The following KIF26B variants were observed in gnomAD, a reference collection of about 807,000 sequenced individuals.
KIF26B encodes kinesin-like protein KIF26B.
KIF26B carries 63 observed loss-of-function variants against 151.2 expected under a neutral mutation model. That is an observed-to-expected ratio of 0.42 (90% CI 0.34 to 0.51). The LOEUF is 0.51. KIF26B is among the 20% of genes least tolerant of loss of function. The pLI is 0.07. For synonymous variants in KIF26B, 1,357 were observed against 1,262.1 expected, an observed-to-expected ratio of 1.08 and a Z score of -1.59; for missense variants, 2,813 against 2,913.6, an observed-to-expected ratio of 0.97 and a Z score of 0.79.
chr1:245,460,155 C>G (rs1346146828), intron 4 of KIF26B, among the ~76,000 whole-genome samples: 1 of 152,140 alleles, frequency 6.6e-6, no homozygotes, highest in Non-Finnish European at 1.5e-5. Flanking sequence ...TTAATAGAGA[C>G]AGGGTTTCAC....
At chr1:245,243,434 A>G (rs1033162892) in intron 2 of KIF26B, among the ~76,000 whole-genome samples, 1 of 45,790 alleles carries the variant, frequency 2.2e-5, no homozygotes, top group Non-Finnish European at 5.0e-5. Context: ...ATATATACAT[A>G]CATATATATA....
At chr1:245,620,638 G>A (rs1261904275) in intron 9 of KIF26B, among the ~76,000 whole-genome samples, 1 of 152,084 alleles carries the variant, frequency 6.6e-6, no homozygotes, top group South Asian at 2.1e-4. Flanking sequence ...CTGAGCTCAG[G>A]CGATCCACCT....
At chr1:245,539,836 A>G (rs543267565) in intron 4 of KIF26B, among the ~76,000 whole-genome samples, 1 of 152,080 alleles carries the variant, frequency 6.6e-6, no homozygotes, top group African/African-American at 2.4e-5. Context: ...TATTTTTAGT[A>G]GAGATGGGGT....
At chr1:245,380,023 T>C (rs1210865147) in intron 3 of KIF26B, among the ~76,000 whole-genome samples, 1 of 152,016 alleles carries the variant, frequency 6.6e-6, no homozygotes, top group Non-Finnish European at 1.5e-5. Flanking sequence ...TACACCTAAT[T>C]CATTTCTAAT....
chr1:245,400,962 A>G (rs1211264161), intron 3 of KIF26B, among the ~76,000 whole-genome samples: 1 of 152,186 alleles, frequency 6.6e-6, no homozygotes, highest in Non-Finnish European at 1.5e-5. Flanking sequence ...ACGGAAGGGA[A>G]AGCTGAATAG....
intron 5 of KIF26B, among the ~76,000 whole-genome samples, chr1:245,555,846 G>C (rs951529019): frequency 2.0e-5 from 3 of 152,114 alleles, no homozygotes; most frequent in Non-Finnish European, 4.4e-5. Context: ...TGAGGACTTG[G>C]GGGGGTTCAT....
At chr1:245,423,757 TC>T (rs1424511949) in intron 4 of KIF26B, among the ~76,000 whole-genome samples, 22 of 152,316 alleles carry the variant, frequency 1.4e-4, no homozygotes, top group African/African-American at 5.3e-4. Flanking sequence ...GGTGTTCATC[TC>T]CATATAGCGT....
At chr1:245,460,477 G>A (rs1165320073) in intron 4 of KIF26B, among the ~76,000 whole-genome samples, 2 of 152,088 alleles carry the variant, frequency 1.3e-5, no homozygotes, top group Non-Finnish European at 1.5e-5. Flanking sequence ...TTTGTGATAC[G>A]ATGCAGGAGT....
At chr1:245,327,641 A>G (rs762875723) in intron 2 of KIF26B, among the ~76,000 whole-genome samples, 1 of 152,172 alleles carries the variant, frequency 6.6e-6, no homozygotes, top group Non-Finnish European at 1.5e-5. Flanking sequence ...TGCTTCCTAC[A>G]TGCCAGATAT....
In KIF26B at chr1:245,358,393, G is replaced by T. The variant is rs1672743162; in HGVS notation, c.466-8441G>T. Among the ~76,000 whole-genome samples, 1 of 152,146 alleles carries T rather than the reference G, an allele frequency of 6.6e-6. No individual in the cohort carries two copies. The highest frequency in any genetic ancestry group is 2.1e-4 in the South Asian group (1 of 4,818). On this transcript the variant is annotated intron_variant, in intron 2 of 14. Coordinates refer to ENST00000407071, the MANE Select transcript of KIF26B (RefSeq NM_018012.4). This position sits in a 1 kb window ranked among gnomAD's most constrained non-coding sequence, Gnocchi z 4.1. ...ATATTAGCCAGGCGTGGTGATGGGT[G>T]CCTGTAGTCCCAGCTACTCGGGAGG...
At chr1:245,531,991 C>T (rs1661372180) in intron 4 of KIF26B, among the ~76,000 whole-genome samples, 3 of 152,066 alleles carry the variant, frequency 2.0e-5, no homozygotes, top group African/African-American at 7.2e-5. Flanking sequence ...GTCCTCGCTA[C>T]TCTCTAGGAT....
intron 2 of KIF26B, among the ~76,000 whole-genome samples, chr1:245,297,302 C>T (rs932256026): frequency 1.3e-5 from 2 of 152,218 alleles, no homozygotes; most frequent in Non-Finnish European, 2.9e-5. Flanking sequence ...GAGATCACGT[C>T]ACTGCACTCC....
At chr1:245,279,966 T>TG (rs1242109291) in intron 2 of KIF26B, among the ~76,000 whole-genome samples, 70 of 152,034 alleles carry the variant, frequency 4.6e-4, no homozygotes, top group African/African-American at 1.7e-3. Flanking sequence ...CTCCGTTGAG[T>TG]GATTTAAGAG....
At chr1:245,487,105 G>A (rs563180809) in intron 4 of KIF26B, among the ~76,000 whole-genome samples, 17 of 152,122 alleles carry the variant, frequency 1.1e-4, no homozygotes, top group Non-Finnish European at 2.1e-4. Flanking sequence ...AGAATGGGGG[G>A]GGTGGTTAGA....
rs35663208 is a variant in KIF26B, at chr1:245,679,457, G to GTTTTTT, written c.2259-4752_2259-4747dup. Reference sequence around the variant, plus strand: ...GGTTTTTTGTGTTTTTTTTGTGTGTGTTTTTTTTTTTTTTTTTTTTTTTTT... The same window carrying GTTTTTT: ...GGTTTTTTGTGTTTTTTTTGTGTGTGTTTTTTTTTTTTTTTTTTTTTTTTTTTTTTT... On this transcript the variant is annotated intron_variant, in intron 10 of 14. Transcript: ENST00000407071. Among the ~76,000 whole-genome samples, 62 of 59,216 alleles carry GTTTTTT rather than the reference G, an allele frequency of 1.0e-3. 6 individuals carry two copies. The highest frequency in any genetic ancestry group is 2.6e-3 in the African/African-American group (44 of 16,832). The allele number at this position is 59,216 out of a possible 152,430, so 38.8% of individuals were successfully genotyped here.
At chr1:245,465,000 A>G (rs1296067268) in intron 4 of KIF26B, among the ~76,000 whole-genome samples, 6 of 101,628 alleles carry the variant, frequency 5.9e-5, no homozygotes, top group Non-Finnish European at 8.2e-5. Context: ...TTTTTTTGAG[A>G]CTGAGTCTCA....
chr1:245,377,558 CCTAT>C (rs1342024758), intron 3 of KIF26B, among the ~76,000 whole-genome samples: 1 of 152,164 alleles, frequency 6.6e-6, no homozygotes, highest in East Asian at 1.9e-4. Context: ...TACTTTTGCA[CCTAT>C]CTAATAATTA....
chr1:245,246,098 GAAAAAAAAAAAAAA>G (rs199908845), intron 2 of KIF26B, among the ~76,000 whole-genome samples: 3 of 32,228 alleles, frequency 9.3e-5, no homozygotes, highest in Admixed American at 6.4e-4. Context: ...TCTCAAAAAA[GAAAAAAAAAAAAAA>G]AAAGAAAGGT....
intron 5 of KIF26B, among the ~76,000 whole-genome samples, chr1:245,600,132 G>A (rs1414890595): frequency 1.4e-5 from 2 of 139,918 alleles, no homozygotes; most frequent in African/African-American, 5.5e-5. Context: ...TCCGCTTCCC[G>A]GGTTCACGCC....
Sources: allele counts gnomAD v4.1 joint callset (sites outside exome capture counted in the v4.1 genomes callset), GRCh38; gene constraint gnomAD v4.1.1; non-coding constraint Gnocchi (gnomAD v3.1); transcripts MANE v1.5; gene names NCBI Gene and HGNC (gene_info 2026-07-23, HGNC 2026-07-21).